The following CLCN6 variants were observed in gnomAD, a reference collection of about 807,000 sequenced individuals.
The protein encoded by CLCN6 is Cl-/H+ antiporter 6, also known as H(+)/Cl(-) exchange transporter 6.
In CLCN6, 70 loss-of-function variants were observed where a neutral mutation model predicts 109.8. The observed-to-expected ratio is 0.64, with a 90% confidence interval of 0.53 to 0.78. The LOEUF is 0.78. Ranked by LOEUF, CLCN6 falls within the 30% of genes least tolerant of loss-of-function variation. The pLI is 0.00. For synonymous variants in CLCN6, 444 were observed against 447.8 expected (o/e 0.99, Z 0.11); for missense variants, 984 against 1,142.3 (o/e 0.86, Z 2.00).
chr1:11,838,821 G>A (rs1234690228), intron 22 of CLCN6, 161 bp downstream of exon 22: 11 of 1,062,876 alleles, frequency 1.0e-5, no homozygotes, highest in Non-Finnish European at 1.5e-5. Flanking sequence ...CCGTGCACTC[G>A]GGACCCTTTC....
At chr1:11,806,464 C>A in intron 1 of CLCN6, 115 bp downstream of exon 1, 1 of 920,790 alleles carries the variant, frequency 1.1e-6, no homozygotes, top group South Asian at 2.0e-5. Context: ...CGGGTGGGGC[C>A]TGGGGACCGC....
Position 11,817,007 on chromosome 1 carries a change from A to C in CLCN6, c.279+327A>C, listed in dbSNP as rs993563215. Among the ~76,000 whole-genome samples the C allele has an allele frequency of 1.3e-5, 2 of 152,184 alleles. 1 individual carries two copies. Among genetic ancestry groups the C allele is most frequent in the Non-Finnish European group, 2.9e-5 (2 of 68,022 alleles). ...GATATGATTATGGATCATAATCTCTAATCTACCTAGTAAACTAGATGTCTC... is the reference window on the plus strand; with the variant it reads ...GATATGATTATGGATCATAATCTCTCATCTACCTAGTAAACTAGATGTCTC... On this transcript the variant is annotated intron_variant, in intron 4 of 22. Coordinates refer to ENST00000346436, the MANE Select transcript of CLCN6 (RefSeq NM_001286.5).
intron 17 of CLCN6, among the ~76,000 whole-genome samples, chr1:11,835,631 T>C (rs893586693): frequency 2.0e-5 from 3 of 152,018 alleles, no homozygotes; most frequent in Non-Finnish European, 4.4e-5. Flanking sequence ...TCAGGGGTAG[T>C]ATGTGGAGCG....
At chr1:11,817,022 C>T (rs1644682250) in intron 4 of CLCN6, among the ~76,000 whole-genome samples, 1 of 152,030 alleles carries the variant, frequency 6.6e-6, no homozygotes, top group African/African-American at 2.4e-5. Context: ...ACCTAGTAAA[C>T]TAGATGTCTC....
chr1:11,827,783 CTTGG>C (rs1644832114), intron 10 of CLCN6, among the ~76,000 whole-genome samples: 2 of 152,216 alleles, frequency 1.3e-5, no homozygotes, highest in Admixed American at 1.3e-4. Flanking sequence ...AGTGATGGGG[CTTGG>C]ACTGGAGCCG....
Position 11,806,260 on chromosome 1 carries a change from A to G in CLCN6, c.-3A>G, listed in dbSNP as rs1570507247. The G allele has an allele frequency of 1.4e-6, 2 of 1,463,298 alleles. No homozygotes were observed. The highest frequency in any genetic ancestry group is 2.7e-5 in the East Asian group (1 of 36,384). The allele number at this position is 1,463,298 out of a possible 1,614,324, so 90.6% of individuals were successfully genotyped here. ...GGGTCCAGAGTGGCAGTAAAGGAGG[A>G]AGATGGCGGGGTGCAGGGGGTCTCT... On this transcript the variant is annotated 5_prime_UTR_variant, in exon 1 of 23. Coordinates refer to ENST00000346436, the MANE Select transcript of CLCN6 (RefSeq NM_001286.5).
rs1644924691 is a variant in CLCN6 at position 11,834,819 on chromosome 1, C to T, written c.1793+229C>T. ...GGGACTGCAGTGGGCAGGGCCTCTT[C>T]GTGGTGGTTTGACTCCCATGGCATT... is the stretch of plus-strand genomic sequence containing the variant. On this transcript the variant is annotated intron_variant, in intron 17 of 22. Transcript: ENST00000346436. The surrounding 1 kb of genome is among the most constrained non-coding windows in gnomAD (Gnocchi z 4.5). Among the ~76,000 whole-genome samples the T allele has an allele frequency of 4.6e-5, 7 of 152,102 alleles. No individual in the cohort carries two copies. The highest frequency in any genetic ancestry group is 3.9e-4 in the Admixed American group (6 of 15,276).
chr1:11,817,650 C>T (rs1644690483), intron 4 of CLCN6, among the ~76,000 whole-genome samples: 1 of 152,210 alleles, frequency 6.6e-6, no homozygotes, highest in African/African-American at 2.4e-5. Flanking sequence ...TGATTCCGGT[C>T]AGTACAGTGT....
intron 17 of CLCN6, 142 bp from the exon 18 acceptor site, chr1:11,835,825 G>A (rs189784215): frequency 2.1e-5 from 13 of 625,174 alleles, no homozygotes; most frequent in Admixed American, 1.8e-4. Context: ...GGAATGCATC[G>A]GGTTTGAGGG....
Position 11,840,443 on chromosome 1 carries a change from C to T in CLCN6, c.*220C>T, listed in dbSNP as rs1645005582. The T allele has an allele frequency of 3.3e-6, 2 of 597,272 alleles. No individual in the cohort carries two copies. Among genetic ancestry groups the T allele is most frequent in the Non-Finnish European group, 6.0e-6 (2 of 331,284 alleles). The allele number at this position is 597,272 out of a possible 1,614,324, so 37.0% of individuals were successfully genotyped here. On this transcript the variant is annotated 3_prime_UTR_variant, in exon 23 of 23. Transcript: ENST00000346436. The stretch of plus-strand genomic sequence containing the variant: ...TCTGACTTCCCCAGCAAGGATCTTC[C>T]CACTTCCTGCTCCCTGTGTTCCCAC...
At chr1:11,807,978 A>G (rs1310249053) in intron 2 of CLCN6, among the ~76,000 whole-genome samples, 2 of 151,756 alleles carry the variant, frequency 1.3e-5, no homozygotes, top group Admixed American at 1.3e-4. Flanking sequence ...ACAGAGTCTC[A>G]CTCTTCCATA....
At chr1:11,806,967 C>G in intron 1 of CLCN6, 164 bp from the exon 2 acceptor site, 1 of 626,080 alleles carries the variant, frequency 1.6e-6, no homozygotes, top group Non-Finnish European at 2.8e-6. Flanking sequence ...TAGATCCTCA[C>G]CCACATGGTC....
At chr1:11,820,187 T>G (rs1263152313) in intron 5 of CLCN6, among the ~76,000 whole-genome samples, 1 of 152,170 alleles carries the variant, frequency 6.6e-6, no homozygotes, top group Non-Finnish European at 1.5e-5. Context: ...AAATAAAAGA[T>G]ACACATCTCT....
chr1:11,837,287 A>G (rs1644962706), intron 19 of CLCN6, 56 bp from the exon 20 acceptor site: 5 of 1,592,332 alleles, frequency 3.1e-6, no homozygotes, highest in Admixed American at 1.7e-5. Context: ...GGGAACATGG[A>G]TCAGAAGCGC....
chr1:11,833,605 G>T lies in CLCN6; in HGVS notation c.1339G>T (p.Glu447Ter). The T allele has an allele frequency of 6.2e-7, 1 of 1,613,892 alleles. No homozygotes were observed. The highest frequency in any genetic ancestry group is 8.5e-7 in the Non-Finnish European group (1 of 1,180,038). The change falls in exon 14 of 23, where the codon GAG becomes TAG. Residue 447 changes from glutamate (E) to a stop codon, truncating the protein, a stop_gained. Transcript: ENST00000346436. LOFTEE classifies it high-confidence loss of function. ...GGCCACACTCTTCTTCAACCCGCAGGAGTCTGCCATCCTCCAGCTCTTCCA... is the reference window on the plus strand; with the variant it reads ...GGCCACACTCTTCTTCAACCCGCAGTAGTCTGCCATCCTCCAGCTCTTCCA... ...DMATLFFNPQESAILQLFHQD... is the reference protein window; with the variant it reads ...DMATLFFNPQ
In CLCN6 at chr1:11,828,631, G is replaced by T; in HGVS notation, c.1121+7G>T. On this transcript the variant is annotated splice_region_variant and intron_variant, in intron 12 of 22. Coordinates refer to ENST00000346436, the MANE Select transcript of CLCN6 (RefSeq NM_001286.5). ...CGAAACCTAAGCTCGTCAGGTATCTGCACAGTCGCCTCCCCCCCGAGCCTG... is the reference window on the plus strand; with the variant it reads ...CGAAACCTAAGCTCGTCAGGTATCTTCACAGTCGCCTCCCCCCCGAGCCTG... 6.3e-7 allele frequency: 1 copy of T among 1,592,766 alleles called. No individual in the cohort carries two copies. Among genetic ancestry groups the T allele is most frequent in the Non-Finnish European group, 8.6e-7 (1 of 1,168,820 alleles).
chr1:11,840,139 C>T lies in CLCN6; in HGVS notation c.2530-4C>T, dbSNP rs767557418. ...AGGTGACTCAGGCCTTCTCTTTGCC[C>T]TAGATCGTGGGGATCATCACACGGC... is the stretch of plus-strand genomic sequence containing the variant. On this transcript the variant is annotated splice_polypyrimidine_tract_variant and splice_region_variant and intron_variant, in intron 22 of 22. Coordinates refer to ENST00000346436, the MANE Select transcript of CLCN6 (RefSeq NM_001286.5). 6.2e-7 allele frequency: 1 copy of T among 1,613,780 alleles called. No homozygotes were observed. Among genetic ancestry groups the T allele is most frequent in the South Asian group, 1.1e-5 (1 of 91,082 alleles).
In CLCN6 at chr1:11,836,084, A is replaced by G. The variant is rs41275498; in HGVS notation, c.1911A>G (p.Thr637=). The G allele has an allele frequency of 0.024, 39,199 of 1,613,784 alleles. 575 individuals are homozygous for G. The highest frequency in any genetic ancestry group is 0.029 in the Non-Finnish European group (33,872 of 1,179,870). ...TTVHHAFPVV[T]ENRGNEKEFM... ...TCCACCATGCCTTCCCGGTGGTCACAGAGAACCGCGGTAACGAGAAGGAGT... is the reference window on the plus strand; with the variant it reads ...TCCACCATGCCTTCCCGGTGGTCACGGAGAACCGCGGTAACGAGAAGGAGT... The change falls in exon 18 of 23, where the codon ACA becomes ACG. Residue 637 remains threonine (T), a synonymous_variant. Coordinates refer to ENST00000346436, the MANE Select transcript of CLCN6 (RefSeq NM_001286.5).
At chr1:11,833,722 C>G (rs1644908185) in intron 14 of CLCN6, 84 bp downstream of exon 14, 1 of 1,585,792 alleles carries the variant, frequency 6.3e-7, no homozygotes. Flanking sequence ...CCAAGCAAGA[C>G]CAGGACTTCT....
Sources: allele counts gnomAD v4.1 joint callset (sites outside exome capture counted in the v4.1 genomes callset), GRCh38; gene constraint gnomAD v4.1.1; non-coding constraint Gnocchi (gnomAD v3.1); transcripts MANE v1.5; gene names NCBI Gene and HGNC (gene_info 2026-07-23, HGNC 2026-07-21).